Variants in AUTS2 observed in about 807,000 individuals in gnomAD.
AUTS2 encodes autism susceptibility gene 2 protein.
Under a neutral mutation model 112.4 loss-of-function variants are expected in AUTS2, and 17 were observed. The observed-to-expected ratio is 0.15, with a 90% confidence interval of 0.10 to 0.23. The LOEUF is 0.23. Among genes scored for constraint, AUTS2 ranks in the 10% least tolerant of loss-of-function variants. The probability of loss-of-function intolerance (pLI) is 1.00; values close to 1 mark genes in which losing one functional copy is unlikely to be tolerated. For synonymous variants in AUTS2, 751 were observed against 702.7 expected, an observed-to-expected ratio of 1.07 and a Z score of -1.09; for missense variants, 1,510 against 1,701.6, an observed-to-expected ratio of 0.89 and a Z score of 1.98.
chr7:70,087,283 T>A (rs899199007), intron 2 of AUTS2, among the ~76,000 whole-genome samples: 9 of 151,936 alleles, frequency 5.9e-5, no homozygotes, highest in South Asian at 4.1e-4. Flanking sequence ...AAATTTTTTT[T>A]ATAAAAACAT....
chr7:70,313,394 A>G (rs1453346377), intron 4 of AUTS2, among the ~76,000 whole-genome samples: 3 of 152,218 alleles, frequency 2.0e-5, no homozygotes, highest in Non-Finnish European at 4.4e-5. Context: ...GAGTCACTGT[A>G]AGGCCATTTG....
At chr7:70,780,050 G>A (rs1790967141) in intron 14 of AUTS2, among the ~76,000 whole-genome samples, 1 of 151,538 alleles carries the variant, frequency 6.6e-6, no homozygotes. Context: ...AAGAGTGAAA[G>A]TCAGAAGCAG....
At chr7:70,590,413 A>G (rs890659998) in intron 5 of AUTS2, among the ~76,000 whole-genome samples, 5 of 152,004 alleles carry the variant, frequency 3.3e-5, no homozygotes, top group Admixed American at 6.5e-5. Context: ...ACCATCCCCT[A>G]TCTCCCTAGA....
chr7:70,785,654 C>T lies in AUTS2; in HGVS notation c.2225-301C>T, dbSNP rs1220402980. Among the ~76,000 whole-genome samples, 7 of 152,284 alleles carry T rather than the reference C, an allele frequency of 4.6e-5. No individual in the cohort carries two copies. In the East Asian group the frequency reaches 1.4e-3, roughly 29 times the overall value. ...CTGCAGAGTGCATTCCTGGCAGAGGCGAGACTGGGCGGGAAGGCAAGTTAG... is the reference window on the plus strand; with the variant it reads ...CTGCAGAGTGCATTCCTGGCAGAGGTGAGACTGGGCGGGAAGGCAAGTTAG... On this transcript the variant is annotated intron_variant, in intron 16 of 18. Transcript: ENST00000342771.
chr7:69,856,220 C>G (rs1156889313), intron 1 of AUTS2, among the ~76,000 whole-genome samples: 1 of 152,106 alleles, frequency 6.6e-6, no homozygotes, highest in Non-Finnish European at 1.5e-5. Context: ...GTGGAACTTT[C>G]TTGTTCCACC....
intron 1 of AUTS2, among the ~76,000 whole-genome samples, chr7:69,878,696 C>T (rs117228878): frequency 2.0e-5 from 3 of 152,214 alleles, no homozygotes; most frequent in African/African-American, 7.2e-5. Flanking sequence ...AATCACATCT[C>T]TCATCCTGTG....
chr7:70,028,037 C>T (rs965246007), intron 2 of AUTS2, among the ~76,000 whole-genome samples: 3 of 152,148 alleles, frequency 2.0e-5, no homozygotes, highest in African/African-American at 7.2e-5. Flanking sequence ...CATTCATCAA[C>T]TGTTCATATT....
intron 5 of AUTS2, among the ~76,000 whole-genome samples, chr7:70,652,442 A>G (rs1806555954): frequency 6.6e-6 from 1 of 152,192 alleles, no homozygotes; most frequent in South Asian, 2.1e-4. Flanking sequence ...CATTATCTAG[A>G]CACAAGGAGT....
At chr7:69,604,828 C>T (rs1792621787) in intron 1 of AUTS2, among the ~76,000 whole-genome samples, 1 of 152,216 alleles carries the variant, frequency 6.6e-6, no homozygotes, top group South Asian at 2.1e-4. Flanking sequence ...CTAAAAGCAT[C>T]ATTTCCTTTA....
intron 4 of AUTS2, among the ~76,000 whole-genome samples, chr7:70,285,332 G>T (rs1368288797): frequency 6.6e-6 from 1 of 152,180 alleles, no homozygotes; most frequent in Non-Finnish European, 1.5e-5. Flanking sequence ...TTCAGTATTT[G>T]TTCCTCAAGG....
chr7:70,734,167 T>C (rs955201414), intron 6 of AUTS2, among the ~76,000 whole-genome samples: 47 of 151,804 alleles, frequency 3.1e-4, no homozygotes, highest in East Asian at 2.0e-3. Context: ...TGGTCGGGTG[T>C]GGTGGCTCAC....
At position 69,903,347 on chromosome 7, in the gene AUTS2, C is replaced by A. The variant is rs182271816; in HGVS notation, c.522+3849C>A. Among the ~76,000 whole-genome samples the A allele has an allele frequency of 9.1e-3, 1,391 of 152,276 alleles. 12 individuals carry two copies. The highest frequency in any genetic ancestry group is 0.027 in the Middle Eastern group (8 of 294). On this transcript the variant is annotated intron_variant, in intron 2 of 18. Coordinates refer to ENST00000342771, the MANE Select transcript of AUTS2 (RefSeq NM_015570.4). ...GGCATTGAGTTTAATTTCAGTATATCTGACTTCTAGACCATGGAGAATTCT... is the reference window on the plus strand; with the variant it reads ...GGCATTGAGTTTAATTTCAGTATATATGACTTCTAGACCATGGAGAATTCT...
At chr7:69,860,655 G>T (rs191460618) in intron 1 of AUTS2, among the ~76,000 whole-genome samples, 6 of 151,452 alleles carry the variant, frequency 4.0e-5, no homozygotes, top group African/African-American at 1.4e-4. Context: ...AAACACAAGG[G>T]CACATGTTGC....
chr7:70,765,034 C>T (rs1178406824), intron 8 of AUTS2, 29 bp downstream of exon 8: 1 of 1,611,884 alleles, frequency 6.2e-7, no homozygotes, highest in East Asian at 2.2e-5. Context: ...TGCTCGTGAC[C>T]CCGACCCCCA....
At chr7:69,830,106 G>A (rs1478186861) in intron 1 of AUTS2, among the ~76,000 whole-genome samples, 2 of 152,114 alleles carry the variant, frequency 1.3e-5, no homozygotes, top group African/African-American at 4.8e-5. Context: ...GAAGCTGGAA[G>A]CCATCATCCT....
At position 69,947,000 on chromosome 7, in the gene AUTS2, G is replaced by A. The variant is rs116274347; in HGVS notation, c.522+47502G>A. On this transcript the variant is annotated intron_variant, in intron 2 of 18. Transcript: ENST00000342771. Reference sequence around the variant, plus strand: ...TCATGGAAAATCCTGGTGGGCACTCGTTTGATACTAGAATTCACACTGCTT... The same window carrying A: ...TCATGGAAAATCCTGGTGGGCACTCATTTGATACTAGAATTCACACTGCTT... Among the ~76,000 whole-genome samples, 1,234 of 152,246 alleles carry A rather than the reference G, an allele frequency of 8.1e-3. 27 individuals carry two copies. Among genetic ancestry groups the A allele is most frequent in the African/African-American group, 0.028 (1,159 of 41,538 alleles).
At chr7:70,684,866 A>G (rs1307150896) in intron 5 of AUTS2, among the ~76,000 whole-genome samples, 2 of 152,202 alleles carry the variant, frequency 1.3e-5, no homozygotes, top group African/African-American at 4.8e-5. Context: ...AGATTGATGT[A>G]AGAGCAAACG....
intron 4 of AUTS2, among the ~76,000 whole-genome samples, chr7:70,411,165 AG>A (rs202190134): frequency 0.012 from 1,822 of 152,224 alleles, 23 homozygotes; most frequent in Middle Eastern, 0.044. Flanking sequence ...GCACCCAGCC[AG>A]AAATCAATTA....
rs1791831304 is a variant in AUTS2 at position 70,790,314 on chromosome 7, C to T, written c.3098C>T (p.Pro1033Leu). The change falls in exon 19 of 19, where the codon CCC becomes CTC. Residue 1033 changes from proline (P) to leucine (L), a missense_variant. Pro to Leu is a moderately conservative substitution (Grantham distance 98). Around this residue, in one of 3 missense-constraint regions of AUTS2, gnomAD observed 788 missense variants for 797.6 expected, o/e 0.99. Coordinates refer to ENST00000342771, the MANE Select transcript of AUTS2 (RefSeq NM_015570.4). This position sits in a 1 kb window ranked among gnomAD's most constrained non-coding sequence, Gnocchi z 7.6. ...ACGGTGGGGGTGACGGGCATTCACCCCATGAACAGCATCAGCAGCCTGGAC... is the reference window on the plus strand; with the variant it reads ...ACGGTGGGGGTGACGGGCATTCACCTCATGAACAGCATCAGCAGCCTGGAC... ...PMTVGVTGIHPMNSISSLDRT... is the reference protein window; with the variant it reads ...PMTVGVTGIHLMNSISSLDRT... 1.2e-6 allele frequency: 2 copies of T among 1,613,592 alleles called. No individual in the cohort carries two copies. The highest frequency in any genetic ancestry group is 1.1e-5 in the South Asian group (1 of 91,078).
Sources: allele counts gnomAD v4.1 joint callset (sites outside exome capture counted in the v4.1 genomes callset), GRCh38; gene constraint gnomAD v4.1.1; regional missense constraint gnomAD v4.1.1; non-coding constraint Gnocchi (gnomAD v3.1); transcripts MANE v1.5; gene names NCBI Gene and HGNC (gene_info 2026-07-23, HGNC 2026-07-21).